ARFGEF2: variants seen among roughly 807,000 people sequenced by gnomAD.
The protein encoded by ARFGEF2 is ARF guanine nucleotide exchange factor 2.
Under a neutral mutation model 219.9 loss-of-function variants are expected in ARFGEF2, and 74 were observed. The ratio of observed to expected loss-of-function variants is 0.34; its 90% CI spans 0.28 to 0.41. The LOEUF is 0.41. Among genes scored for constraint, ARFGEF2 ranks in the 10% least tolerant of loss-of-function variants. ARFGEF2 has a pLI of 1.00. For missense variants in ARFGEF2, 1,743 were observed against 2,218.3 expected (o/e 0.79, Z 4.30); for synonymous variants, 733 against 799.2 (o/e 0.92, Z 1.40).
chr20:48,950,854 A>G (rs1042060220), intron 3 of ARFGEF2, among the ~76,000 whole-genome samples: 3 of 141,142 alleles, frequency 2.1e-5, no homozygotes, highest in African/African-American at 7.7e-5. Flanking sequence ...ATATGTATGT[A>G]TATACATGCA....
intron 27 of ARFGEF2, 138 bp from the exon 28 acceptor site, chr20:49,011,786 C>T: frequency 4.7e-6 from 5 of 1,073,360 alleles, no homozygotes; most frequent in Non-Finnish European, 5.7e-6. Context: ...TCCAAAGATA[C>T]TGACATGCTT....
Position 48,969,381 on chromosome 20 carries a change from T to C in ARFGEF2, c.1190+104T>C. ...TTCCAAGAAGTTTCAGTGTCATGTC[T>C]CTTTGTCAGTGTAAGTGCAGGAACG... On this transcript the variant is annotated intron_variant, in intron 9 of 38. Transcript: ENST00000371917. 3.1e-6 allele frequency: 5 copies of C among 1,603,044 alleles called. No individual in the cohort carries two copies. The South Asian group carries it at 4.4e-5, about 14-fold the overall frequency.
Position 48,984,820 on chromosome 20 carries a change from C to CA in ARFGEF2, c.2051dup (p.Glu685GlyfsTer16). 1 of 1,612,816 alleles carries CA rather than the reference C, an allele frequency of 6.2e-7. No homozygotes were observed. Among genetic ancestry groups the CA allele is most frequent in the Non-Finnish European group, 8.5e-7 (1 of 1,180,026 alleles). On this transcript the variant is annotated frameshift_variant, in exon 15 of 39. Coordinates refer to ENST00000371917, the MANE Select transcript of ARFGEF2 (RefSeq NM_006420.3). LOFTEE classifies it high-confidence loss of function. ...TGAAGACATAGCCCAATTCCTGCAC[C>CA]AGGAGGAGCGCCTGGATTCCGTAAG...
chr20:49,014,578 C>T (rs1053307583), intron 30 of ARFGEF2, among the ~76,000 whole-genome samples: 15 of 152,000 alleles, frequency 9.9e-5, no homozygotes, highest in African/African-American at 3.4e-4. Flanking sequence ...TTTTACCATC[C>T]AAAATTAGAG....
rs548659915 is a variant in ARFGEF2, at chr20:49,025,605, T to G, written c.4924+124T>G. 24 of 1,081,332 alleles carry G rather than the reference T, an allele frequency of 2.2e-5. No homozygotes were observed. The South Asian group carries it at 3.2e-4, about 14-fold the overall frequency. 67.0% of individuals were successfully genotyped at this position (1,081,332 alleles called of 1,614,324 possible). A position where few individuals can be genotyped will look rare whatever the true frequency, so the allele number is the denominator to read the frequency against. On this transcript the variant is annotated intron_variant, in intron 36 of 38. Transcript: ENST00000371917. Reference sequence around the variant, plus strand: ...ATAACTTAACAGATATTTTCATGCTTGAGGGGGAGAGAAGGGAAATGTTGG... The same window carrying G: ...ATAACTTAACAGATATTTTCATGCTGGAGGGGGAGAGAAGGGAAATGTTGG...
At chr20:48,955,888 G>A (rs1274319424) in intron 6 of ARFGEF2, among the ~76,000 whole-genome samples, 1 of 151,808 alleles carries the variant, frequency 6.6e-6, no homozygotes. Flanking sequence ...CAGTGTGTCT[G>A]TGAATAGCCT....
intron 12 of ARFGEF2, among the ~76,000 whole-genome samples, chr20:48,973,889 A>G (rs1115534): frequency 2.6e-5 from 4 of 152,112 alleles, no homozygotes; most frequent in Admixed American, 6.5e-5. Context: ...AATATTTGCA[A>G]TTTTTTTAGA....
intron 6 of ARFGEF2, among the ~76,000 whole-genome samples, chr20:48,961,541 T>C (rs1205181824): frequency 2.0e-5 from 3 of 152,142 alleles, no homozygotes; most frequent in Admixed American, 6.6e-5. Context: ...TTTTTCTTTT[T>C]TAAATAAGTA....
chr20:49,027,671 G>A (rs945948898), intron 36 of ARFGEF2, among the ~76,000 whole-genome samples: 1 of 151,992 alleles, frequency 6.6e-6, no homozygotes, highest in African/African-American at 2.4e-5. Flanking sequence ...ACTCCAGCCT[G>A]GGTGACAGAG....
chr20:48,951,163 G>A (rs1195091607), intron 3 of ARFGEF2, among the ~76,000 whole-genome samples, 160 bp from the exon 4 acceptor site: 2 of 152,094 alleles, frequency 1.3e-5, no homozygotes, highest in Non-Finnish European at 2.9e-5. Flanking sequence ...GCGACAGGAC[G>A]AAGGTTGCAG....
At chr20:49,014,341 A>T (rs2091517994) in intron 30 of ARFGEF2, among the ~76,000 whole-genome samples, 2 of 151,930 alleles carry the variant, frequency 1.3e-5, no homozygotes, top group African/African-American at 4.8e-5. Flanking sequence ...TTTGGAGATG[A>T]TGTTGAATAT....
At chr20:48,966,100 A>AAAAG in intron 8 of ARFGEF2, 77 bp downstream of exon 8, 1 of 1,568,228 alleles carries the variant, frequency 6.4e-7, no homozygotes, top group Non-Finnish European at 8.7e-7. Context: ...GTCTTTCCTC[A>AAAAG]AAAGAAGCAA....
At chr20:48,975,093 GC>G (rs2091253002) in intron 13 of ARFGEF2, among the ~76,000 whole-genome samples, 1 of 152,172 alleles carries the variant, frequency 6.6e-6, no homozygotes, top group African/African-American at 2.4e-5. Flanking sequence ...TTGCTCTAGT[GC>G]CTTTTTAGTA....
At chr20:49,017,171 C>T in intron 31 of ARFGEF2, 78 bp from the exon 32 acceptor site, 1 of 1,462,844 alleles carries the variant, frequency 6.8e-7, no homozygotes, top group South Asian at 1.2e-5. Context: ...CTCCAACTCA[C>T]AATATACAGT....
intron 36 of ARFGEF2, among the ~76,000 whole-genome samples, chr20:49,025,982 G>GGAA (rs11410428): frequency 1.6e-5 from 2 of 127,808 alleles, no homozygotes; most frequent in African/African-American, 5.9e-5. Context: ...ACTCCATCTG[G>GGAA]AAAAAAAAAA....
Position 48,971,333 on chromosome 20 carries a change from G to T in ARFGEF2, c.1404G>T (p.Met468Ile). ...TTACTCTTCTTTCAAACTTTAAAATGCACTTGAAAATGCAGATAGAGGTAC... is the reference window on the plus strand; with the variant it reads ...TTACTCTTCTTTCAAACTTTAAAATTCACTTGAAAATGCAGATAGAGGTAC... ...IFLTLLSNFK[M>I]HLKMQIEVFF... Residue 468 changes from methionine (M) to isoleucine (I), a missense_variant, in exon 10 of 39, where the codon ATG becomes ATT. Physicochemically the swap from Met to Ile is conservative, Grantham distance 10 (BLOSUM62 1). Around this residue, in one of 5 missense-constraint regions of ARFGEF2, gnomAD observed 666 missense variants for 955.4 expected, o/e 0.70. Transcript: ENST00000371917. 6.2e-7 allele frequency: 1 copy of T among 1,614,068 alleles called. No homozygotes were observed. The highest frequency in any genetic ancestry group is 8.5e-7 in the Non-Finnish European group (1 of 1,179,998).
At chr20:48,945,869 A>G (rs2091022836) in intron 3 of ARFGEF2, among the ~76,000 whole-genome samples, 1 of 152,182 alleles carries the variant, frequency 6.6e-6, no homozygotes. Context: ...GTCTCTTTAA[A>G]AAAAGGAAAA....
rs534396191 is a variant in ARFGEF2, at chr20:48,986,331, CAG to C, written c.2276+720_2276+721del. 1.8e-3 allele frequency among the ~76,000 whole-genome samples: 281 copies of C among 152,242 alleles called. 1 individual carries two copies. Among genetic ancestry groups the C allele is most frequent in the African/African-American group, 6.5e-3 (268 of 41,550 alleles). On this transcript the variant is annotated intron_variant, in intron 16 of 38. Transcript: ENST00000371917. ...GGGTTGAATATGGATTTCTCTAACT[CAG>C]AAGCTCATGTTCGGGCTGGATGCAG...
chr20:48,935,869 A>G (rs8115432), intron 1 of ARFGEF2, among the ~76,000 whole-genome samples: 773 of 63,522 alleles, frequency 0.012, 73 homozygotes, highest in African/African-American at 0.037. Context: ...CGGGCAGAGG[A>G]GCTCCTTACT....
Sources: gnomAD v4.1 joint callset for allele counts (sites outside exome capture counted in the v4.1 genomes callset) on GRCh38, gnomAD v4.1.1 for gene constraint, gnomAD v4.1.1 regional missense constraint, MANE v1.5 for transcripts, NCBI Gene and HGNC (gene_info 2026-07-23, HGNC 2026-07-21) for gene names.